SCN3A: variants seen among roughly 807,000 people sequenced by gnomAD.
SCN3A encodes sodium voltage-gated channel alpha subunit 3, also known as sodium channel protein type 3 subunit alpha.
A neutral mutation model predicts 187.6 loss-of-function variants in SCN3A; 60 were observed. The observed-to-expected ratio is 0.32, with a 90% CI of 0.26 to 0.40. The LOEUF (loss-of-function observed/expected upper bound fraction) is 0.40, where lower values mean the gene tolerates loss of function less well. SCN3A is among the 10% of genes least tolerant of loss of function. The pLI, the probability that SCN3A is intolerant of heterozygous loss-of-function variation, is 1.00. For missense variants in SCN3A, 1,601 were observed against 2,428.2 expected, an observed-to-expected ratio of 0.66 and a Z score of 7.16; for synonymous variants, 788 against 829.2, an observed-to-expected ratio of 0.95 and a Z score of 0.85.
At chr2:165,125,301 G>C (rs1686919678) in intron 18 of SCN3A, among the ~76,000 whole-genome samples, 2 of 151,300 alleles carry the variant, frequency 1.3e-5, no homozygotes, top group African/African-American at 4.9e-5. Flanking sequence ...AACCTGACAG[G>C]ATTAAACTTT....
At position 165,089,166 on chromosome 2, in the gene SCN3A, A is replaced by G. The variant is rs912050760; in HGVS notation, c.*984T>C. The G allele has an allele frequency of 3.9e-5, 6 of 152,622 alleles. No individual in the cohort carries two copies. The highest frequency in any genetic ancestry group is 1.4e-4 in the African/African-American group (6 of 41,466). 9.5% of individuals were successfully genotyped at this position (152,622 alleles called of 1,614,324 possible). ...ATACACTGTGGTACATATTTGATTT[A>G]ATAGAAGTTGTTTATCAGGCTATAT... On this transcript the variant is annotated 3_prime_UTR_variant, in exon 28 of 28. Coordinates refer to ENST00000283254, the MANE Select transcript of SCN3A (RefSeq NM_006922.4).
intron 19 of SCN3A, among the ~76,000 whole-genome samples, chr2:165,114,320 A>T (rs1474622047): frequency 6.6e-6 from 1 of 152,174 alleles, no homozygotes; most frequent in Non-Finnish European, 1.5e-5. Flanking sequence ...CGATTTGTTT[A>T]TTCATATTTT....
Position 165,090,195 on chromosome 2 carries a change from T to A in SCN3A, c.5958A>T (p.Pro1986=). 6.2e-7 allele frequency: 1 copy of A among 1,601,988 alleles called. No homozygotes were observed. Among genetic ancestry groups the A allele is most frequent in the Non-Finnish European group, 8.5e-7 (1 of 1,171,712 alleles). ...PDKEKFEKDK[P]EKESKGKEVR... is the part of the protein sequence containing the mutation. ...CCTCTTTTCCTTTGCTTTCTTTTTC[T>A]GGTTTGTCTTTCTCAAACTTTTCCT... is the stretch of plus-strand genomic sequence containing the variant. The change falls in exon 28 of 28, where the codon CCA becomes CCT. Residue 1986 remains proline (P), a synonymous_variant. Transcript: ENST00000283254. This position sits in a 1 kb window ranked among gnomAD's most constrained non-coding sequence, Gnocchi z 4.0.
Position 165,090,470 on chromosome 2 carries a change from A to C in SCN3A, c.5683T>G (p.Leu1895Val). 1 of 1,614,050 alleles carries C rather than the reference A, an allele frequency of 6.2e-7. No homozygotes were observed. The highest frequency in any genetic ancestry group is 8.5e-7 in the Non-Finnish European group (1 of 1,179,980). ...GACACCTCCTCTTGTTTACGTTTCA[A>C]AGTGGTTGTAATAGGCTCATAAGAG... ...KVSYEPITTT[L>V]KRKQEEVSAA... is the part of the protein sequence containing the mutation. The change falls in exon 28 of 28, where the codon TTG becomes GTG. Residue 1895 changes from leucine (L) to valine (V), a missense_variant. Physicochemically the swap from Leu to Val is conservative, Grantham distance 32. This residue lies in a region of SCN3A where 110 missense variants were observed against 175.9 expected (regional missense o/e 0.63). Coordinates refer to ENST00000283254, the MANE Select transcript of SCN3A (RefSeq NM_006922.4). The surrounding 1 kb of genome is among the most constrained non-coding windows in gnomAD (Gnocchi z 4.0).
intron 1 of SCN3A, among the ~76,000 whole-genome samples, chr2:165,196,737 T>G (rs1286430174): frequency 9.8e-5 from 15 of 152,288 alleles, no homozygotes; most frequent in Admixed American, 2.6e-4. Context: ...TCTTTTAAAA[T>G]GCATTTTGGC....
At chr2:165,108,241 A>G (rs1274147720) in intron 21 of SCN3A, among the ~76,000 whole-genome samples, 1 of 152,092 alleles carries the variant, frequency 6.6e-6, no homozygotes, top group Non-Finnish European at 1.5e-5. Flanking sequence ...ACTAATAACA[A>G]TCTAGCTCCA....
chr2:165,111,980 C>G (rs1038059135), intron 21 of SCN3A, among the ~76,000 whole-genome samples: 2 of 152,058 alleles, frequency 1.3e-5, no homozygotes, highest in East Asian at 3.8e-4. Context: ...GACCCAGACT[C>G]GTCAAAAATG....
chr2:165,161,137 CTTTTTTTTTTTTTTTTT>C (rs61608647), intron 9 of SCN3A, among the ~76,000 whole-genome samples: 1 of 93,368 alleles, frequency 1.1e-5, no homozygotes, highest in South Asian at 4.2e-4. Context: ...TTCTTTCTTT[CTTTTTTTTTTTTTTTTT>C]TTTTTTTTGT....
chr2:165,149,418 A>AC (rs1688551616), intron 11 of SCN3A, among the ~76,000 whole-genome samples: 1 of 151,990 alleles, frequency 6.6e-6, no homozygotes, highest in Non-Finnish European at 1.5e-5. Context: ...CAAGTGACCC[A>AC]CCCACCTCAG....
intron 26 of SCN3A, chr2:165,093,530 A>T (rs1049051513): frequency 6.6e-6 from 1 of 152,216 alleles, no homozygotes; most frequent in Non-Finnish European, 1.5e-5. Context: ...TATATTATTA[A>T]TCATTTAGAG....
chr2:165,188,967 T>C (rs749519852), intron 1 of SCN3A, among the ~76,000 whole-genome samples: 3 of 152,114 alleles, frequency 2.0e-5, no homozygotes, highest in Non-Finnish European at 2.9e-5. Context: ...AAGCGATGCA[T>C]GGATGACTAT....
At position 165,164,456 on chromosome 2, in the gene SCN3A, A is replaced by G. The variant is rs992860170; in HGVS notation, c.538T>C (p.Leu180=). 2 of 1,613,834 alleles carry G rather than the reference A, an allele frequency of 1.2e-6. No homozygotes were observed. The highest frequency in any genetic ancestry group is 1.7e-6 in the Non-Finnish European group (2 of 1,179,834). Residue 180 remains leucine (L), a synonymous_variant, in exon 6 of 28, where the codon TTA becomes CTA. Transcript: ENST00000283254. Reference sequence around the variant, plus strand: ...TCACGAAGAAACGTAAAATCTTCTAAGCAAAACCCTCTTGCCAAGATTTTT... The same window carrying G: ...TCACGAAGAAACGTAAAATCTTCTAGGCAAAACCCTCTTGCCAAGATTTTT... ...LIKILARGFC[L]EDFTFLRDPW...
chr2:165,147,284 G>GA lies in SCN3A; in HGVS notation c.1381-256_1381-255insT, dbSNP rs1491564336. Reference sequence around the variant, plus strand: ...CTATCTTCTGGATTGTCTTTTTTTTGGGGGGGGGGGGTTGGTGACAACTGT... The same window carrying GA: ...CTATCTTCTGGATTGTCTTTTTTTTGAGGGGGGGGGGGTTGGTGACAACTGT... On this transcript the variant is annotated intron_variant, in intron 11 of 27. Coordinates refer to ENST00000283254, the MANE Select transcript of SCN3A (RefSeq NM_006922.4). Among the ~76,000 whole-genome samples the GA allele has an allele frequency of 4.5e-5, 2 of 44,726 alleles. 1 individual carries two copies. Among genetic ancestry groups the GA allele is most frequent in the Non-Finnish European group, 1.1e-4 (2 of 19,038 alleles). The allele number at this position is 44,726 out of a possible 152,430, so 29.3% of individuals were successfully genotyped here.
intron 1 of SCN3A, among the ~76,000 whole-genome samples, chr2:165,198,307 A>G (rs1692097191): frequency 6.6e-6 from 1 of 152,082 alleles, no homozygotes; most frequent in Non-Finnish European, 1.5e-5. Flanking sequence ...GACTGAGCCT[A>G]GACTAGGAGA....
chr2:165,155,965 G>T, intron 9 of SCN3A, 62 bp from the exon 10 acceptor site: 2 of 1,601,078 alleles, frequency 1.2e-6, no homozygotes, highest in South Asian at 2.2e-5. Flanking sequence ...CAATTTATTT[G>T]ACTTATAGGA....
intron 1 of SCN3A, among the ~76,000 whole-genome samples, chr2:165,197,616 G>T (rs1692050734): frequency 1.4e-5 from 2 of 144,974 alleles, no homozygotes; most frequent in African/African-American, 2.5e-5. Flanking sequence ...CATTTTTATT[G>T]GTGAGGTCCT....
chr2:165,111,170 AC>A (rs1206730733), intron 21 of SCN3A, among the ~76,000 whole-genome samples: 1 of 152,096 alleles, frequency 6.6e-6, no homozygotes, highest in Non-Finnish European at 1.5e-5. Flanking sequence ...CCCTGTCTCT[AC>A]TAAAAATACA....
At chr2:165,195,984 T>C (rs1481360938) in intron 1 of SCN3A, among the ~76,000 whole-genome samples, 1 of 152,148 alleles carries the variant, frequency 6.6e-6, no homozygotes, top group Non-Finnish European at 1.5e-5. Flanking sequence ...TAGCTAGTTC[T>C]TACAATTGTC....
Position 165,167,836 on chromosome 2 carries a change from C to T in SCN3A, c.473+900G>A, listed in dbSNP as rs1402464794. Among the ~76,000 whole-genome samples, 4 of 152,134 alleles carry T rather than the reference C, an allele frequency of 2.6e-5. No homozygotes were observed. The East Asian group carries it at 7.7e-4, about 29-fold the overall frequency. On this transcript the variant is annotated intron_variant, in intron 5 of 27. Coordinates refer to ENST00000283254, the MANE Select transcript of SCN3A (RefSeq NM_006922.4). Reference sequence around the variant, plus strand: ...AAAAGATCTTGATACTAATACACAACATCCACAGAAGTGTTTTCTTTTAGT... The same window carrying T: ...AAAAGATCTTGATACTAATACACAATATCCACAGAAGTGTTTTCTTTTAGT...
Sources: allele counts gnomAD v4.1 joint callset (sites outside exome capture counted in the v4.1 genomes callset), GRCh38; gene constraint gnomAD v4.1.1; regional missense constraint gnomAD v4.1.1; non-coding constraint Gnocchi (gnomAD v3.1); transcripts MANE v1.5; gene names NCBI Gene and HGNC (gene_info 2026-07-23, HGNC 2026-07-21).